ITFG1: variants seen among roughly 807,000 people sequenced by gnomAD.
ITFG1 encodes T-cell immunomodulatory protein.
Under a neutral mutation model 81.8 loss-of-function variants are expected in ITFG1, and 34 were observed. The ratio of observed to expected loss-of-function variants is 0.42; its 90% CI spans 0.32 to 0.55. The LOEUF (loss-of-function observed/expected upper bound fraction) is 0.55, where lower values mean the gene tolerates loss of function less well. Ranked by LOEUF, ITFG1 falls within the 20% of genes least tolerant of loss-of-function variation. ITFG1 has a pLI of 0.17. For missense variants in ITFG1, 672 were observed against 755.4 expected (o/e 0.89, Z 1.29); for synonymous variants, 285 against 270.6 (o/e 1.05, Z -0.52).
intron 6 of ITFG1, among the ~76,000 whole-genome samples, chr16:47,397,363 CTCT>C (rs1349616221): frequency 6.6e-6 from 1 of 152,086 alleles, no homozygotes; most frequent in Non-Finnish European, 1.5e-5. Context: ...GGAATGGTCA[CTCT>C]TACTGGGCAT....
intron 5 of ITFG1, among the ~76,000 whole-genome samples, chr16:47,433,356 C>G (rs374809603): frequency 1.3e-5 from 2 of 152,198 alleles, no homozygotes; most frequent in Non-Finnish European, 2.9e-5. Context: ...TTTTCAGCTT[C>G]TCTGGAAATA....
intron 14 of ITFG1, 49 bp from the exon 15 acceptor site, chr16:47,162,713 G>A (rs1282506878): frequency 2.0e-6 from 3 of 1,479,380 alleles, no homozygotes; most frequent in Non-Finnish European, 1.8e-6. Context: ...TGGAAACATT[G>A]CTCCCATCAA....
intron 8 of ITFG1, among the ~76,000 whole-genome samples, chr16:47,361,089 C>T (rs1293023731): frequency 6.6e-6 from 1 of 151,998 alleles, no homozygotes; most frequent in Non-Finnish European, 1.5e-5. Context: ...TCATTAGTTC[C>T]TTTATTTTTT....
intron 8 of ITFG1, among the ~76,000 whole-genome samples, chr16:47,335,230 A>G (rs1183143342): frequency 6.6e-6 from 1 of 151,994 alleles, no homozygotes; most frequent in Non-Finnish European, 1.5e-5. Context: ...GGTGGTGGGC[A>G]CCTGTAATCC....
intron 6 of ITFG1, among the ~76,000 whole-genome samples, chr16:47,424,115 C>T (rs1968987832): frequency 6.6e-6 from 1 of 152,182 alleles, no homozygotes; most frequent in African/African-American, 2.4e-5. Flanking sequence ...TTCTTGGAGG[C>T]TTTGTTCATT....
intron 13 of ITFG1, among the ~76,000 whole-genome samples, chr16:47,226,354 C>T (rs2151529961): frequency 6.6e-6 from 1 of 152,326 alleles, no homozygotes; most frequent in African/African-American, 2.4e-5. Flanking sequence ...GGACTACAGG[C>T]ATGCGCCACC....
chr16:47,183,857 CA>C (rs1965169652), intron 14 of ITFG1, among the ~76,000 whole-genome samples: 2 of 152,038 alleles, frequency 1.3e-5, no homozygotes, highest in Admixed American at 1.3e-4. Context: ...GGAGGACATT[CA>C]AACCAAAGGC....
chr16:47,399,082 T>A (rs1968626948), intron 6 of ITFG1, among the ~76,000 whole-genome samples: 1 of 152,208 alleles, frequency 6.6e-6, no homozygotes, highest in African/African-American at 2.4e-5. Flanking sequence ...TTGCAGAGTA[T>A]AAGAAATGTT....
chr16:47,176,364 A>C (rs769412078), intron 14 of ITFG1, among the ~76,000 whole-genome samples: 1 of 150,348 alleles, frequency 6.7e-6, no homozygotes, highest in Non-Finnish European at 1.5e-5. Flanking sequence ...ATAAAAGACA[A>C]TTTTTTTTTT....
chr16:47,315,527 C>T (rs556007146), intron 8 of ITFG1, among the ~76,000 whole-genome samples: 7 of 152,198 alleles, frequency 4.6e-5, no homozygotes, highest in Admixed American at 4.6e-4. Flanking sequence ...CTTATTCATA[C>T]TTTACTTCTC....
intron 10 of ITFG1, among the ~76,000 whole-genome samples, chr16:47,298,894 G>A (rs1205900457): frequency 2.6e-5 from 4 of 152,150 alleles, no homozygotes; most frequent in Admixed American, 2.0e-4. Flanking sequence ...TGGTGGGTTG[G>A]GCCCTGGAGT....
chr16:47,221,214 G>A (rs528125976), intron 13 of ITFG1, among the ~76,000 whole-genome samples: 1 of 152,238 alleles, frequency 6.6e-6, no homozygotes, highest in South Asian at 2.1e-4. Flanking sequence ...CTTGCTCTGT[G>A]TGAACAAGCT....
At chr16:47,271,179 C>A (rs1966335186) in intron 10 of ITFG1, among the ~76,000 whole-genome samples, 1 of 151,964 alleles carries the variant, frequency 6.6e-6, no homozygotes, top group African/African-American at 2.4e-5. Context: ...AGTAAGATGA[C>A]AACCCACAGA....
At chr16:47,193,414 T>C (rs1332007945) in intron 14 of ITFG1, among the ~76,000 whole-genome samples, 12 of 152,186 alleles carry the variant, frequency 7.9e-5, no homozygotes, top group Admixed American at 7.9e-4. Flanking sequence ...AGGCCTATTT[T>C]AGATTTTTTA....
chr16:47,305,661 C>T (rs1205117895), intron 10 of ITFG1, among the ~76,000 whole-genome samples: 1 of 152,100 alleles, frequency 6.6e-6, no homozygotes, highest in Admixed American at 6.5e-5. Context: ...CTGCAATGAA[C>T]AATCAGATTA....
At chr16:47,357,110 A>T (rs1968049520) in intron 8 of ITFG1, among the ~76,000 whole-genome samples, 1 of 152,144 alleles carries the variant, frequency 6.6e-6, no homozygotes, top group East Asian at 1.9e-4. Context: ...TTTATCATAG[A>T]TCAATTATAT....
At chr16:47,460,556 G>A (rs1174537373) in intron 1 of ITFG1, among the ~76,000 whole-genome samples, 1 of 152,098 alleles carries the variant, frequency 6.6e-6, no homozygotes, top group Non-Finnish European at 1.5e-5. Context: ...GGGAGGAGGG[G>A]GTAAGGTGAC....
chr16:47,260,359 C>T (rs1227079631), intron 11 of ITFG1, among the ~76,000 whole-genome samples, 186 bp downstream of exon 11: 1 of 152,188 alleles, frequency 6.6e-6, no homozygotes, highest in African/African-American at 2.4e-5. Flanking sequence ...TTTGACTGTA[C>T]TGATCAGCCA....
At chr16:47,279,373 C>A (rs1966429599) in intron 10 of ITFG1, among the ~76,000 whole-genome samples, 1 of 151,936 alleles carries the variant, frequency 6.6e-6, no homozygotes, top group Non-Finnish European at 1.5e-5. Context: ...TTTTCCAATA[C>A]CATCTGTTAT....
Sources: gnomAD v4.1 joint callset for allele counts (sites outside exome capture counted in the v4.1 genomes callset) on GRCh38, gnomAD v4.1.1 for gene constraint, MANE v1.5 for transcripts, NCBI Gene and HGNC (gene_info 2026-07-23, HGNC 2026-07-21) for gene names.